FAT4: variants seen among roughly 807,000 people sequenced by gnomAD.
FAT4 encodes the protein FAT atypical cadherin 4.
FAT4 carries 84 observed loss-of-function variants against 303.9 expected under a neutral mutation model. The ratio of observed to expected loss-of-function variants is 0.28; its 90% CI spans 0.23 to 0.33. The LOEUF (loss-of-function observed/expected upper bound fraction) is 0.33. FAT4 is among the 10% of genes least tolerant of loss of function. The probability of loss-of-function intolerance (pLI) is 1.00; values close to 1 mark genes in which losing one functional copy is unlikely to be tolerated. For synonymous variants in FAT4, 2,307 were observed against 2,298.8 expected (o/e 1.00, Z -0.10); for missense variants, 6,005 against 6,146.8 (o/e 0.98, Z 0.77).
At chr4:125,409,008 A>G (rs1342180720) in intron 5 of FAT4, among the ~76,000 whole-genome samples, 22 of 152,102 alleles carry the variant, frequency 1.4e-4, no homozygotes, top group Admixed American at 1.4e-3. Context: ...CATACCTTGT[A>G]TTGTTTTATA....
chr4:125,381,703 A>G lies in FAT4; in HGVS notation c.5176-17081A>G, dbSNP rs140562086. ...GGCAATTTTGTGAAATAAGACAACA[A>G]TGAAGTTTGCGGCTTTGATTGAGTC... On this transcript the variant is annotated intron_variant, in intron 2 of 17. Transcript: ENST00000394329. Among the ~76,000 whole-genome samples the G allele has an allele frequency of 3.3e-3, 505 of 152,214 alleles. 1 individual carries two copies. Among genetic ancestry groups the G allele is most frequent in the Non-Finnish European group, 4.1e-3 (279 of 68,004 alleles).
At chr4:125,332,741 C>T (rs1393297793) in intron 2 of FAT4, among the ~76,000 whole-genome samples, 1 of 151,896 alleles carries the variant, frequency 6.6e-6, no homozygotes, top group Non-Finnish European at 1.5e-5. Context: ...CTTGGCTTCT[C>T]CAGTCCAAAA....
intron 7 of FAT4, 49 bp from the exon 8 acceptor site, chr4:125,434,196 G>T (rs763428815): frequency 1.3e-6 from 2 of 1,554,192 alleles, no homozygotes; most frequent in Admixed American, 3.9e-5. Flanking sequence ...TGTTAAATTT[G>T]TTATTTTTTG....
chr4:125,477,358 G>C, intron 14 of FAT4, 24 bp downstream of exon 14: 1 of 1,512,988 alleles, frequency 6.6e-7, no homozygotes, highest in Non-Finnish European at 8.9e-7. Context: ...ATTTCTTACT[G>C]TTTTAAAGAA....
At chr4:125,370,636 C>T (rs369436847) in intron 2 of FAT4, among the ~76,000 whole-genome samples, 7 of 152,062 alleles carry the variant, frequency 4.6e-5, no homozygotes, top group South Asian at 4.1e-4. Flanking sequence ...AGACAATATT[C>T]GCAATATTGA....
At position 125,452,324 on chromosome 4, in the gene FAT4, C is replaced by A; in HGVS notation, c.11314C>A (p.His3772Asn). 6.2e-7 allele frequency: 1 copy of A among 1,614,226 alleles called. No homozygotes were observed. The highest frequency in any genetic ancestry group is 1.1e-5 in the South Asian group (1 of 91,080). ...TCTTTTGGCAGCTGTGAAGCGAAAT[C>A]ATAATCAGTATGTGAATCCCAGTGG... Reference protein sequence around the residue: ...TFLLAAVKRNHNQYVNPSGVA... With the variant: ...TFLLAAVKRNNNQYVNPSGVA... Residue 3772 changes from histidine to asparagine, a missense_variant, in exon 10 of 18, where the codon CAT (histidine) becomes AAT (asparagine). Physicochemically the swap from His to Asn is moderately conservative, Grantham distance 68. Coordinates refer to ENST00000394329, the MANE Select transcript of FAT4 (RefSeq NM_001291303.3).
At position 125,317,642 on chromosome 4, in the gene FAT4, A is replaced by G; in HGVS notation, c.1231A>G (p.Ser411Gly). The change falls in exon 2 of 18, where the codon AGC becomes GGC. Residue 411 changes from serine (S) to glycine (G), a missense_variant. Physicochemically the swap from Ser to Gly is moderately conservative, Grantham distance 56. Coordinates refer to ENST00000394329, the MANE Select transcript of FAT4 (RefSeq NM_001291303.3). This position sits in a 1 kb window ranked among gnomAD's most constrained non-coding sequence, Gnocchi z 7.0. ...TGAGCAGCGCCACTTTGAAGTGCAA[A>G]GCAGCAAAGTGCCGAACCTGAGCCT... ...GNEQRHFEVQ[S>G]SKVPNLSLIK... is the part of the protein sequence containing the mutation. 1 of 1,614,060 alleles carries G rather than the reference A, an allele frequency of 6.2e-7. No individual in the cohort carries two copies.
chr4:125,430,135 A>G (rs1264388122), intron 7 of FAT4, among the ~76,000 whole-genome samples: 1 of 146,022 alleles, frequency 6.8e-6, no homozygotes, highest in Non-Finnish European at 1.5e-5. Flanking sequence ...CGTTGTGCAC[A>G]TGTACCCTAG....
At chr4:125,381,865 C>T (rs1733555301) in intron 2 of FAT4, among the ~76,000 whole-genome samples, 1 of 152,188 alleles carries the variant, frequency 6.6e-6, no homozygotes, top group Non-Finnish European at 1.5e-5. Context: ...ATTTATTATT[C>T]TAAATATTTT....
chr4:125,342,521 C>G (rs1001638531), intron 2 of FAT4, among the ~76,000 whole-genome samples: 1 of 151,864 alleles, frequency 6.6e-6, no homozygotes, highest in African/African-American at 2.4e-5. Flanking sequence ...AAGATGAGAG[C>G]AATAGCTTTT....
chr4:125,318,489 A>G lies in FAT4; in HGVS notation c.2078A>G (p.Gln693Arg), dbSNP rs1329904774. 3 of 1,614,038 alleles carry G rather than the reference A, an allele frequency of 1.9e-6. No individual in the cohort carries two copies. The highest frequency in any genetic ancestry group is 2.5e-6 in the Non-Finnish European group (3 of 1,180,044). The change falls in exon 2 of 18, where the codon CAA becomes CGA. Residue 693 changes from glutamine to arginine, a missense_variant. Physicochemically the swap from Gln to Arg is conservative, Grantham distance 43. Transcript: ENST00000394329. ...NDNSPVFYPV[Q>R]YFAHIKENEP... ...AACAGCCCTGTCTTCTACCCGGTCCAATACTTTGCTCACATTAAGGAGAAT... is the reference window on the plus strand; with the variant it reads ...AACAGCCCTGTCTTCTACCCGGTCCGATACTTTGCTCACATTAAGGAGAAT...
At chr4:125,486,968 A>G (rs1352558284) in intron 16 of FAT4, among the ~76,000 whole-genome samples, 1 of 152,096 alleles carries the variant, frequency 6.6e-6, no homozygotes, top group Non-Finnish European at 1.5e-5. Flanking sequence ...TGGGCCTTTT[A>G]CTAAACGAAC....
rs1734985852 is a variant in FAT4 at position 125,414,965 on chromosome 4, A to G, written c.6002A>G (p.Lys2001Arg). Reference protein sequence around the residue: ...QFTVDKNGVLKVLKALDRESQ... With the variant: ...QFTVDKNGVLRVLKALDRESQ... ...ACTGTTGACAAGAATGGTGTACTCA[A>G]AGTCCTAAAAGCTTTGGATCGGGAA... Residue 2001 changes from lysine (K) to arginine (R), a missense_variant, in exon 6 of 18, where the codon AAA becomes AGA. Coordinates refer to ENST00000394329, the MANE Select transcript of FAT4 (RefSeq NM_001291303.3). 6.2e-7 allele frequency: 1 copy of G among 1,613,848 alleles called. No homozygotes were observed. The highest frequency in any genetic ancestry group is 1.3e-5 in the African/African-American group (1 of 74,892).
intron 8 of FAT4, among the ~76,000 whole-genome samples, chr4:125,440,498 TCA>T (rs1189653965): frequency 6.6e-6 from 1 of 151,958 alleles, no homozygotes; most frequent in Non-Finnish European, 1.5e-5. Flanking sequence ...GCATCTCTGA[TCA>T]CACACAGTTT....
chr4:125,395,644 T>C (rs1485303714), intron 2 of FAT4, among the ~76,000 whole-genome samples: 1 of 152,104 alleles, frequency 6.6e-6, no homozygotes, highest in Non-Finnish European at 1.5e-5. Context: ...AATGACAAGA[T>C]GACACTAATT....
chr4:125,408,758 A>C lies in FAT4; in HGVS notation c.5884A>C (p.Thr1962Pro), dbSNP rs749792331. 6.3e-7 allele frequency: 1 copy of C among 1,593,144 alleles called. No individual in the cohort carries two copies. The highest frequency in any genetic ancestry group is 2.2e-5 in the East Asian group (1 of 44,530). ...SLMENLPVGS[T>P]VLVFNVTDAD... ...AATGGAGAATCTACCTGTGGGATCTACTGTTCTTGTGTTTAATGTTACTGA... is the reference window on the plus strand; with the variant it reads ...AATGGAGAATCTACCTGTGGGATCTCCTGTTCTTGTGTTTAATGTTACTGA... The change falls in exon 5 of 18, where the codon ACT becomes CCT. Residue 1962 changes from threonine to proline, a missense_variant. Thr to Pro is a conservative substitution (Grantham distance 38, BLOSUM62 -1). Coordinates refer to ENST00000394329, the MANE Select transcript of FAT4 (RefSeq NM_001291303.3).
chr4:125,415,420 A>G lies in FAT4; in HGVS notation c.6457A>G (p.Ile2153Val). ...MVLDINDNNP[I>V]FAQALYKVEI... ...ACTTGACATCAATGATAACAACCCC[A>G]TCTTTGCACAAGCTTTGTATAAAGT... Residue 2153 changes from isoleucine to valine, a missense_variant, in exon 6 of 18, where the codon ATC (isoleucine) becomes GTC (valine). Ile to Val is a conservative substitution (Grantham distance 29). Coordinates refer to ENST00000394329, the MANE Select transcript of FAT4 (RefSeq NM_001291303.3). 1 of 1,614,122 alleles carries G rather than the reference A, an allele frequency of 6.2e-7. No individual in the cohort carries two copies. Among genetic ancestry groups the G allele is most frequent in the Non-Finnish European group, 8.5e-7 (1 of 1,179,998 alleles).
intron 2 of FAT4, among the ~76,000 whole-genome samples, chr4:125,387,059 G>C (rs1733779214): frequency 6.6e-6 from 1 of 152,124 alleles, no homozygotes; most frequent in Non-Finnish European, 1.5e-5. Flanking sequence ...TGCCGCAGCT[G>C]ATCTGACAGG....
chr4:125,388,797 G>A (rs1352326657), intron 2 of FAT4, among the ~76,000 whole-genome samples: 2 of 152,152 alleles, frequency 1.3e-5, no homozygotes, highest in Admixed American at 1.3e-4. Context: ...CACACATTTA[G>A]TGAGTTATGG....
Sources: allele counts gnomAD v4.1 joint callset (sites outside exome capture counted in the v4.1 genomes callset), GRCh38; gene constraint gnomAD v4.1.1; non-coding constraint Gnocchi (gnomAD v3.1); transcripts MANE v1.5; gene names NCBI Gene and HGNC (gene_info 2026-07-23, HGNC 2026-07-21).